The following ITGA8 variants were observed in gnomAD, a reference collection of about 807,000 sequenced individuals.
The protein encoded by ITGA8 is integrin alpha-8.
In ITGA8, 91 loss-of-function variants were observed where a neutral mutation model predicts 142.3. The ratio of observed to expected loss-of-function variants is 0.64; its 90% CI spans 0.54 to 0.76. The LOEUF (loss-of-function observed/expected upper bound fraction) is 0.76. Ranked by LOEUF, ITGA8 falls within the 30% of genes least tolerant of loss-of-function variation. The pLI, the probability that ITGA8 is intolerant of heterozygous loss-of-function variation, is 0.00. For missense variants in ITGA8, 1,406 were observed against 1,327.7 expected, an observed-to-expected ratio of 1.06 and a Z score of -0.92; for synonymous variants, 505 against 485.2, an observed-to-expected ratio of 1.04 and a Z score of -0.54.
In ITGA8 at chr10:15,514,111, T is replaced by G. The variant is rs1311852804; in HGVS notation, c.*3047A>C. On this transcript the variant is annotated 3_prime_UTR_variant, in exon 30 of 30. Coordinates refer to ENST00000378076, the MANE Select transcript of ITGA8 (RefSeq NM_003638.3). Reference sequence around the variant, plus strand: ...TATTTTTTTATTTACTGTATAAAAATCTCCAAGTTTATAAAACTTAATTTG... The same window carrying G: ...TATTTTTTTATTTACTGTATAAAAAGCTCCAAGTTTATAAAACTTAATTTG... The G allele has an allele frequency of 5.9e-5, 9 of 152,130 alleles. No individual in the cohort carries two copies. Among genetic ancestry groups the G allele is most frequent in the Non-Finnish European group, 1.0e-4 (7 of 68,032 alleles). 9.4% of individuals were successfully genotyped at this position (152,130 alleles called of 1,614,324 possible).
intron 16 of ITGA8, among the ~76,000 whole-genome samples, 189 bp downstream of exon 16, chr10:15,608,046 T>A (rs1216314446): frequency 6.6e-6 from 1 of 152,204 alleles, no homozygotes; most frequent in African/African-American, 2.4e-5. Flanking sequence ...TTCCCTACAA[T>A]TATATGTTCT....
At position 15,516,925 on chromosome 10, in the gene ITGA8, A is replaced by T. The variant is rs1832971973; in HGVS notation, c.*233T>A. 1 of 405,262 alleles carries T rather than the reference A, an allele frequency of 2.5e-6. No homozygotes were observed. The allele number at this position is 405,262 out of a possible 1,614,324, so 25.1% of individuals were successfully genotyped here. ...CGATTAAAGCAAAAGAAAATCTTCC[A>T]CAATTGCTGATGGCTTCTCCAGCTT... On this transcript the variant is annotated 3_prime_UTR_variant, in exon 30 of 30. Coordinates refer to ENST00000378076, the MANE Select transcript of ITGA8 (RefSeq NM_003638.3).
chr10:15,679,409 C>T (rs973274414), intron 4 of ITGA8, among the ~76,000 whole-genome samples: 1 of 152,020 alleles, frequency 6.6e-6, no homozygotes, highest in Non-Finnish European at 1.5e-5. Flanking sequence ...ATGGTGAACC[C>T]CATCTCCACT....
chr10:15,580,669 A>G (rs1429216981), intron 23 of ITGA8, among the ~76,000 whole-genome samples: 2 of 152,244 alleles, frequency 1.3e-5, no homozygotes, highest in Non-Finnish European at 2.9e-5. Flanking sequence ...AATGAATAAA[A>G]AAGAAAAACA....
intron 5 of ITGA8, 121 bp from the exon 6 acceptor site, chr10:15,677,758 T>C (rs1470335943): frequency 4.8e-6 from 4 of 829,392 alleles, no homozygotes; most frequent in Non-Finnish European, 7.5e-6. Context: ...TAAAAAGCAA[T>C]TTTTAAAAGA....
At chr10:15,630,314 GTTTA>G (rs1425180268) in intron 13 of ITGA8, among the ~76,000 whole-genome samples, 7 of 152,076 alleles carry the variant, frequency 4.6e-5, no homozygotes, top group Non-Finnish European at 8.8e-5. Flanking sequence ...AAGGATGCTG[GTTTA>G]TTTATTCATT....
intron 25 of ITGA8, among the ~76,000 whole-genome samples, chr10:15,561,845 A>G (rs1833988182): frequency 6.6e-6 from 1 of 152,150 alleles, no homozygotes; most frequent in African/African-American, 2.4e-5. Flanking sequence ...TTTATAAAGG[A>G]AAGAGGTTTA....
At chr10:15,575,964 A>AGT (rs761559396) in intron 23 of ITGA8, among the ~76,000 whole-genome samples, 6,372 of 142,462 alleles carry the variant, frequency 0.045, 414 homozygotes, top group African/African-American at 0.14. Context: ...TGTGTGTGTG[A>AGT]GTGTGTGTGT....
intron 13 of ITGA8, among the ~76,000 whole-genome samples, chr10:15,616,834 TC>T (rs1833402112): frequency 6.6e-6 from 1 of 152,132 alleles, no homozygotes; most frequent in South Asian, 2.1e-4. Context: ...ACTTTTCCTA[TC>T]CTTCAGGTTC....
At chr10:15,620,361 A>T (rs889248813) in intron 13 of ITGA8, among the ~76,000 whole-genome samples, 7 of 152,272 alleles carry the variant, frequency 4.6e-5, no homozygotes, top group African/African-American at 1.7e-4. Context: ...AGTAATATAA[A>T]GTCTCCATCA....
chr10:15,697,228 G>A (rs1462804800), intron 2 of ITGA8, among the ~76,000 whole-genome samples: 1 of 152,134 alleles, frequency 6.6e-6, no homozygotes, highest in African/African-American at 2.4e-5. Flanking sequence ...ACAGAAAAAT[G>A]TTTACACAAT....
chr10:15,521,072 G>T (rs1833058178), intron 28 of ITGA8, among the ~76,000 whole-genome samples: 1 of 152,330 alleles, frequency 6.6e-6, no homozygotes. Context: ...AGGCTAGAGT[G>T]CAATGGCACG....
At chr10:15,585,569 C>T (rs1832813583) in intron 23 of ITGA8, among the ~76,000 whole-genome samples, 1 of 152,184 alleles carries the variant, frequency 6.6e-6, no homozygotes, top group Non-Finnish European at 1.5e-5. Flanking sequence ...CATTCTGGAA[C>T]CCCAGTGACA....
chr10:15,674,091 A>G (rs1834581192), intron 6 of ITGA8, among the ~76,000 whole-genome samples: 2 of 152,224 alleles, frequency 1.3e-5, no homozygotes. Context: ...GGAAGTCCAC[A>G]AAAGAATGAA....
At chr10:15,640,105 G>A (rs781204788) in intron 13 of ITGA8, among the ~76,000 whole-genome samples, 5 of 152,310 alleles carry the variant, frequency 3.3e-5, no homozygotes, top group South Asian at 2.1e-4. Context: ...AACTGCAACC[G>A]CTTGCAAAAG....
At chr10:15,698,280 A>G (rs1490145522) in intron 2 of ITGA8, among the ~76,000 whole-genome samples, 1 of 152,160 alleles carries the variant, frequency 6.6e-6, no homozygotes, top group Non-Finnish European at 1.5e-5. Context: ...TGGTGTATAA[A>G]TATACCATAC....
chr10:15,665,214 A>T (rs1834364647), intron 8 of ITGA8, among the ~76,000 whole-genome samples: 1 of 152,086 alleles, frequency 6.6e-6, no homozygotes, highest in Admixed American at 6.6e-5. Context: ...CATTCTAACT[A>T]TTGTGAGATG....
At chr10:15,577,356 T>C (rs533648617) in intron 23 of ITGA8, among the ~76,000 whole-genome samples, 4 of 152,158 alleles carry the variant, frequency 2.6e-5, no homozygotes, top group East Asian at 1.9e-4. Flanking sequence ...AGGAAGACTG[T>C]TGTACACAGG....
At chr10:15,645,030 TGTG>T (rs1337256466) in intron 12 of ITGA8, among the ~76,000 whole-genome samples, 5 of 138,738 alleles carry the variant, frequency 3.6e-5, no homozygotes, top group African/African-American at 1.4e-4. Context: ...AGGTGGAGGT[TGTG>T]GTGAGCAGTG....
Sources: gnomAD v4.1 joint callset for allele counts (sites outside exome capture counted in the v4.1 genomes callset) on GRCh38, gnomAD v4.1.1 for gene constraint, MANE v1.5 for transcripts, NCBI Gene and HGNC (gene_info 2026-07-23, HGNC 2026-07-21) for gene names.